Variants in CAAP1 observed in about 807,000 individuals in gnomAD.
CAAP1 encodes caspase activity and apoptosis inhibitor 1.
CAAP1 carries 20 observed loss-of-function variants against 34.0 expected under a neutral mutation model. That is an observed-to-expected ratio of 0.59 (90% CI 0.41 to 0.86). The LOEUF (loss-of-function observed/expected upper bound fraction) is 0.86. Ranked by LOEUF, CAAP1 falls within the 40% of genes least tolerant of loss-of-function variation. CAAP1 has a pLI of 0.00. For missense variants in CAAP1, 538 were observed against 450.5 expected (o/e 1.19, Z -1.76); for synonymous variants, 213 against 166.7 (o/e 1.28, Z -2.14).
chr9:26,853,274 T>C (rs982679758), intron 5 of CAAP1, among the ~76,000 whole-genome samples: 1 of 152,198 alleles, frequency 6.6e-6, no homozygotes, highest in Non-Finnish European at 1.5e-5. Flanking sequence ...CTGCTATTTA[T>C]TAAGACGAGA....
At chr9:26,849,208 C>A (rs984772522) in intron 5 of CAAP1, among the ~76,000 whole-genome samples, 1 of 152,134 alleles carries the variant, frequency 6.6e-6, no homozygotes, top group Non-Finnish European at 1.5e-5. Flanking sequence ...TGATAAAGCC[C>A]TTTTTTTCCC....
At chr9:26,869,705 G>C (rs140988368) in intron 4 of CAAP1, among the ~76,000 whole-genome samples, 137 of 152,322 alleles carry the variant, frequency 9.0e-4, no homozygotes, top group African/African-American at 3.2e-3. Context: ...TGGAAACACA[G>C]ATGAGTAACT....
At chr9:26,849,276 C>G (rs1218272800) in intron 5 of CAAP1, among the ~76,000 whole-genome samples, 1 of 152,174 alleles carries the variant, frequency 6.6e-6, no homozygotes, top group Non-Finnish European at 1.5e-5. Flanking sequence ...AGCTCTTAAA[C>G]TACTTTACTC....
rs757044408 is a variant in CAAP1 at position 26,892,694 on chromosome 9, G to T, written c.22C>A (p.Arg8=). 6.2e-7 allele frequency: 1 copy of T among 1,600,492 alleles called. No homozygotes were observed. Residue 8 remains arginine (R), a synonymous_variant, in exon 1 of 6, where the codon CGG becomes AGG. Coordinates refer to ENST00000333916, the MANE Select transcript of CAAP1 (RefSeq NM_024828.4). MTGKKSS[R]EKRRKRSSQE... is the part of the protein sequence containing the mutation. Reference sequence around the variant, plus strand: ...CTGCTACGTTTGCGCCGTTTCTCCCGGGAGGACTTTTTCCCCGTCATGATC... The same window carrying T: ...CTGCTACGTTTGCGCCGTTTCTCCCTGGAGGACTTTTTCCCCGTCATGATC...
At chr9:26,891,964 T>A (rs1483273863) in intron 1 of CAAP1, among the ~76,000 whole-genome samples, 1 of 152,198 alleles carries the variant, frequency 6.6e-6, no homozygotes, top group South Asian at 2.1e-4. Context: ...GATTCAAACC[T>A]AGGAGCTATT....
At position 26,857,062 on chromosome 9, in the gene CAAP1, T is replaced by C. The variant is rs1425149294; in HGVS notation, c.739+4004A>G. On this transcript the variant is annotated intron_variant, in intron 5 of 5. Coordinates refer to ENST00000333916, the MANE Select transcript of CAAP1 (RefSeq NM_024828.4). ...GCAGATACTTGATATTTTAAAAATA[T>C]TGTCTACAAATGAAATACCTTCAAC... Among the ~76,000 whole-genome samples the C allele has an allele frequency of 4.6e-5, 7 of 152,310 alleles. No individual in the cohort carries two copies. In the East Asian group the frequency reaches 1.3e-3, roughly 29 times the overall value.
In CAAP1 at chr9:26,886,087, A is replaced by G; in HGVS notation, c.589+17T>C. The G allele has an allele frequency of 1.4e-6, 2 of 1,384,598 alleles. No homozygotes were observed. The highest frequency in any genetic ancestry group is 2.0e-6 in the Non-Finnish European group (2 of 1,014,394). 85.8% of individuals were successfully genotyped at this position (1,384,598 alleles called of 1,614,324 possible). ...TTAACTAAGAAGTTGCCAGAATGTA[A>G]AAATATGTATTCTTACCCTCAAGAA... On this transcript the variant is annotated intron_variant, in intron 3 of 5. Transcript: ENST00000333916.
Position 26,867,448 on chromosome 9 carries a change from T to C in CAAP1, c.666-6309A>G, listed in dbSNP as rs1372841429. Among the ~76,000 whole-genome samples, 3 of 151,956 alleles carry C rather than the reference T, an allele frequency of 2.0e-5. No homozygotes were observed. The East Asian group carries it at 5.8e-4, about 29-fold the overall frequency. On this transcript the variant is annotated intron_variant, in intron 4 of 5. Transcript: ENST00000333916. ...ACAGGAAAATCTTCCCAACTCACCA[T>C]CCCACCTATTCATATCTGTAGTCCC...
intron 5 of CAAP1, 126 bp downstream of exon 5, chr9:26,860,940 C>T: frequency 1.5e-6 from 1 of 686,420 alleles, no homozygotes; most frequent in Non-Finnish European, 2.6e-6. Flanking sequence ...TGATTTTTGA[C>T]CAAATAAATT....
intron 5 of CAAP1, among the ~76,000 whole-genome samples, chr9:26,860,109 T>C (rs984714056): frequency 3.3e-5 from 5 of 152,334 alleles, no homozygotes; most frequent in Admixed American, 3.3e-4. Flanking sequence ...GATAACTTAA[T>C]CTTCTTGGAT....
At chr9:26,845,090 C>T (rs1198756871) in intron 5 of CAAP1, among the ~76,000 whole-genome samples, 1 of 152,170 alleles carries the variant, frequency 6.6e-6, no homozygotes, top group Non-Finnish European at 1.5e-5. Context: ...TGTCATCCTG[C>T]TACTGTCTTC....
intron 4 of CAAP1, among the ~76,000 whole-genome samples, chr9:26,881,759 T>A (rs141938677): frequency 6.6e-6 from 1 of 152,208 alleles, no homozygotes; most frequent in Non-Finnish European, 1.5e-5. Flanking sequence ...TGGAACTGGA[T>A]AACAGGCAGA....
intron 5 of CAAP1, among the ~76,000 whole-genome samples, chr9:26,851,870 G>T (rs1822760139): frequency 6.6e-6 from 1 of 152,070 alleles, no homozygotes; most frequent in Admixed American, 6.5e-5. Flanking sequence ...CTTTCTGTTA[G>T]TAACATCTCA....
At chr9:26,881,987 G>A (rs1391801191) in intron 4 of CAAP1, among the ~76,000 whole-genome samples, 1 of 152,154 alleles carries the variant, frequency 6.6e-6, no homozygotes, top group African/African-American at 2.4e-5. Context: ...TTTTGCCCTT[G>A]AGCTAGAGAT....
Position 26,887,414 on chromosome 9 carries a change from G to A in CAAP1, c.403C>T (p.Pro135Ser). Residue 135 changes from proline (P) to serine (S), a missense_variant, in exon 2 of 6, where the codon CCA becomes TCA. Coordinates refer to ENST00000333916, the MANE Select transcript of CAAP1 (RefSeq NM_024828.4). ...TTGTCTGATATATAGAAACTAACTGGTTTCAATGACACAGTCAGGTCCAGT... is the reference window on the plus strand; with the variant it reads ...TTGTCTGATATATAGAAACTAACTGATTTCAATGACACAGTCAGGTCCAGT... ...GGLDLTVSLK[P>S]VSFYISDKKE... 1 of 1,612,984 alleles carries A rather than the reference G, an allele frequency of 6.2e-7. No individual in the cohort carries two copies. The highest frequency in any genetic ancestry group is 8.5e-7 in the Non-Finnish European group (1 of 1,179,262).
At chr9:26,892,176 A>G in intron 1 of CAAP1, 1 of 1,211,926 alleles carries the variant, frequency 8.3e-7, no homozygotes, top group Non-Finnish European at 1.1e-6. Flanking sequence ...AGAGTTTAAA[A>G]AATAAATTAA....
At chr9:26,878,340 T>C (rs1307124515) in intron 4 of CAAP1, among the ~76,000 whole-genome samples, 2 of 152,226 alleles carry the variant, frequency 1.3e-5, no homozygotes, top group Non-Finnish European at 2.9e-5. Flanking sequence ...CATGTGTTTA[T>C]GTATATGGTC....
At chr9:26,864,047 AG>A (rs1371564005) in intron 4 of CAAP1, among the ~76,000 whole-genome samples, 2 of 152,090 alleles carry the variant, frequency 1.3e-5, no homozygotes, top group East Asian at 3.9e-4. Context: ...TACAGGTATG[AG>A]CCACCTCACC....
chr9:26,887,349 C>G lies in CAAP1; in HGVS notation c.468G>C (p.Glu156Asp). Residue 156 changes from glutamate to aspartate, a missense_variant, in exon 2 of 6, where the codon GAG becomes GAC. Glu to Asp is a conservative substitution (Grantham distance 45). Coordinates refer to ENST00000333916, the MANE Select transcript of CAAP1 (RefSeq NM_024828.4). ...CAGGAAGCATCTTCTGTAACTTTTT[C>G]TCTCCTATAATACAGAAGCACTGCT... Reference protein sequence around the residue: ...MLQQCFCIIGEKKLQKMLPDV... With the variant: ...MLQQCFCIIGDKKLQKMLPDV... The G allele has an allele frequency of 6.2e-7, 1 of 1,606,502 alleles. No homozygotes were observed. The highest frequency in any genetic ancestry group is 8.5e-7 in the Non-Finnish European group (1 of 1,176,314).
Sources: gnomAD v4.1 joint callset for allele counts (sites outside exome capture counted in the v4.1 genomes callset) on GRCh38, gnomAD v4.1.1 for gene constraint, MANE v1.5 for transcripts, NCBI Gene and HGNC (gene_info 2026-07-23, HGNC 2026-07-21) for gene names.